The following VCL variants were observed in gnomAD, a reference collection of about 807,000 sequenced individuals.
The protein encoded by VCL is epididymis luminal protein 114.
In VCL, 47 loss-of-function variants were observed where a neutral mutation model predicts 125.7. The observed-to-expected ratio is 0.37, with a 90% confidence interval of 0.30 to 0.48. VCL has a LOEUF of 0.48. VCL is among the 20% of genes least tolerant of loss of function. The pLI is 0.99. For missense variants in VCL, 1,069 were observed against 1,455.5 expected (o/e 0.73, Z 4.32); for synonymous variants, 458 against 514.6 (o/e 0.89, Z 1.49).
At chr10:74,094,573 G>C (rs886296599) in intron 11 of VCL, 112 bp downstream of exon 11, 5 of 1,277,024 alleles carry the variant, frequency 3.9e-6, no homozygotes, top group Non-Finnish European at 5.6e-6. Flanking sequence ...TTTAGCTGCT[G>C]ATAAGTAACT....
At chr10:74,092,996 A>G (rs1225654573) in intron 10 of VCL, among the ~76,000 whole-genome samples, 1 of 152,146 alleles carries the variant, frequency 6.6e-6, no homozygotes, top group African/African-American at 2.4e-5. Context: ...TACCAAATGT[A>G]TAGTAGTTTA....
intron 11 of VCL, among the ~76,000 whole-genome samples, chr10:74,094,942 C>T (rs538056730): frequency 1.2e-3 from 181 of 152,052 alleles, no homozygotes; most frequent in African/African-American, 4.1e-3. Flanking sequence ...TCTTTAAAAA[C>T]AAAACAAAAA....
chr10:74,070,712 G>A lies in VCL; in HGVS notation c.282G>A (p.Met94Ile), dbSNP rs774870551. 7.4e-6 allele frequency: 12 copies of A among 1,614,050 alleles called. No individual in the cohort carries two copies. The East Asian group carries it at 2.5e-4, about 33-fold the overall frequency. ...CCAAGCTTGTCCAGGCAGCTCAGAT[G>A]CTTCAGTCAGACCCTTACTCAGTGC... Reference protein sequence around the residue: ...ACTKLVQAAQMLQSDPYSVPA... With the variant: ...ACTKLVQAAQILQSDPYSVPA... The change falls in exon 3 of 22, where the codon ATG becomes ATA. Residue 94 changes from methionine (M) to isoleucine (I), a missense_variant. This residue lies in a region of VCL where 96 missense variants were observed against 137.6 expected (regional missense o/e 0.70). Transcript: ENST00000211998.
intron 2 of VCL, among the ~76,000 whole-genome samples, chr10:74,052,928 G>T (rs1591674981): frequency 9.7e-6 from 1 of 103,000 alleles, no homozygotes; most frequent in African/African-American, 4.7e-5. Flanking sequence ...ACCCTACCTG[G>T]CTGTGATGAA....
rs751948908 is a variant in VCL at position 74,107,433 on chromosome 10, G to A, written c.2559+79G>A. On this transcript the variant is annotated intron_variant, in intron 17 of 21. Transcript: ENST00000211998. ...CAAGAGAGAGGTAGATTGTGTTTTA[G>A]AGCCTCCATCACTAGGTGGCTTCGT... The A allele has an allele frequency of 1.9e-6, 3 of 1,610,094 alleles. No homozygotes were observed. The Admixed American group carries it at 5.0e-5, about 27-fold the overall frequency.
chr10:74,087,529 T>TTC (rs1839803918), intron 8 of VCL, among the ~76,000 whole-genome samples: 1 of 142,944 alleles, frequency 7.0e-6, no homozygotes, highest in African/African-American at 2.6e-5. Flanking sequence ...TTTTTTTTTT[T>TTC]TTTTGGATTT....
intron 1 of VCL, among the ~76,000 whole-genome samples, chr10:74,037,929 G>T (rs1442522886): frequency 3.7e-4 from 56 of 152,090 alleles, no homozygotes; most frequent in Non-Finnish European, 5.9e-5. Flanking sequence ...CAATTAAAAT[G>T]AAATAAAGGT....
chr10:74,011,159 CTA>C (rs971226344), intron 1 of VCL, among the ~76,000 whole-genome samples: 1 of 95,870 alleles, frequency 1.0e-5, no homozygotes, highest in Non-Finnish European at 1.9e-5. Context: ...GAGTGAAACT[CTA>C]TCTCAAAAAA....
chr10:74,102,354 T>C lies in VCL; in HGVS notation c.2022+1257T>C, dbSNP rs111641110. Among the ~76,000 whole-genome samples, 10 of 152,284 alleles carry C rather than the reference T, an allele frequency of 6.6e-5. 1 individual carries two copies. The highest frequency in any genetic ancestry group is 2.4e-4 in the African/African-American group (10 of 41,572). ...AAGATTGGGAAAAAAAACCAAACTG[T>C]ACAGTTATTAAAAGTTTACTATGTG... is the stretch of plus-strand genomic sequence containing the variant. On this transcript the variant is annotated intron_variant, in intron 14 of 21. Transcript: ENST00000211998.
chr10:74,096,383 A>G (rs989487497), intron 12 of VCL, among the ~76,000 whole-genome samples: 6 of 152,140 alleles, frequency 3.9e-5, no homozygotes, highest in Admixed American at 3.3e-4. Context: ...AAATGAAAGA[A>G]AACTTTGTAA....
chr10:74,104,807 G>C, intron 15 of VCL: 1 of 536,496 alleles, frequency 1.9e-6, no homozygotes, highest in South Asian at 2.1e-5. Flanking sequence ...GTGGATACAA[G>C]AAGGCTGGCA....
intron 2 of VCL, among the ~76,000 whole-genome samples, chr10:74,045,265 GGATAGATAGATA>G (rs35058961): frequency 2.6e-4 from 39 of 147,232 alleles, no homozygotes; most frequent in South Asian, 8.6e-4. Context: ...ACAGAGAGAC[GGATAGATAGATA>G]GATAGATAGA....
chr10:74,026,822 A>G (rs1431695773), intron 1 of VCL, among the ~76,000 whole-genome samples: 3 of 152,196 alleles, frequency 2.0e-5, no homozygotes, highest in Non-Finnish European at 2.9e-5. Flanking sequence ...CCAAAGCCCC[A>G]GTTCTTTTTC....
chr10:74,043,040 C>A, intron 1 of VCL, 43 bp from the exon 2 acceptor site: 2 of 1,543,882 alleles, frequency 1.3e-6, no homozygotes, highest in Non-Finnish European at 8.9e-7. Context: ...TTTTTAAAGT[C>A]TGAGAATTTA....
At chr10:74,003,240 T>C (rs899672706) in intron 1 of VCL, among the ~76,000 whole-genome samples, 3 of 151,890 alleles carry the variant, frequency 2.0e-5, no homozygotes, top group Non-Finnish European at 4.4e-5. Flanking sequence ...AAACTCTATT[T>C]AAGGCAGTTT....
intron 16 of VCL, among the ~76,000 whole-genome samples, chr10:74,105,791 G>A (rs560276932): frequency 1.4e-5 from 2 of 146,762 alleles, no homozygotes; most frequent in African/African-American, 5.3e-5. Context: ...CTGACCTCAG[G>A]TGATCCACCC....
intron 1 of VCL, among the ~76,000 whole-genome samples, chr10:74,014,658 ATTATG>A (rs1468815269): frequency 2.0e-5 from 3 of 152,014 alleles, no homozygotes; most frequent in African/African-American, 7.2e-5. Flanking sequence ...GTTGAGAAAT[ATTATG>A]CATTTGTGAA....
chr10:74,049,976 A>G (rs1208376002), intron 2 of VCL, among the ~76,000 whole-genome samples: 3 of 152,236 alleles, frequency 2.0e-5, no homozygotes, highest in Non-Finnish European at 4.4e-5. Flanking sequence ...TGCTGTATAC[A>G]GTGGAATTTC....
intron 16 of VCL, 75 bp downstream of exon 16, chr10:74,105,428 C>T: frequency 6.4e-7 from 1 of 1,573,066 alleles, no homozygotes; most frequent in Non-Finnish European, 8.7e-7. Context: ...GAATATGTAC[C>T]CCACAACCAC....
Sources: gnomAD v4.1 joint callset for allele counts (sites outside exome capture counted in the v4.1 genomes callset) on GRCh38, gnomAD v4.1.1 for gene constraint, gnomAD v4.1.1 regional missense constraint, MANE v1.5 for transcripts, NCBI Gene and HGNC (gene_info 2026-07-23, HGNC 2026-07-21) for gene names.